Variants in WARS2 observed in about 807,000 individuals in gnomAD.
WARS2 encodes tryptophanyl tRNA synthetase 2, mitochondrial.
Under a neutral mutation model 36.5 loss-of-function variants are expected in WARS2, and 28 were observed. The observed-to-expected ratio is 0.77, with a 90% confidence interval of 0.57 to 1.05. The LOEUF (loss-of-function observed/expected upper bound fraction) is 1.05. Ranked by LOEUF, WARS2 falls within the 50% of genes least tolerant of loss-of-function variation. WARS2 has a pLI of 0.00. For synonymous variants in WARS2, 174 were observed against 178.4 expected, an observed-to-expected ratio of 0.98 and a Z score of 0.20; for missense variants, 435 against 456.8, an observed-to-expected ratio of 0.95 and a Z score of 0.44.
intron 2 of WARS2, among the ~76,000 whole-genome samples, chr1:119,048,754 C>CGTCCT (rs1428864386): frequency 1.3e-5 from 2 of 152,148 alleles, no homozygotes; most frequent in Non-Finnish European, 2.9e-5. Flanking sequence ...GCCACACCCT[C>CGTCCT]GTCCTGTGCC....
At chr1:119,140,668 G>A (rs760338709), upstream of WARS2, 10 of 1,604,998 alleles carry the variant, frequency 6.2e-6, no homozygotes, top group Non-Finnish European at 5.1e-6. Context: ...GAGCCGTCTT[G>A]TTTGGAATGA....
chr1:119,080,662 C>A (rs1005152015), intron 1 of WARS2, among the ~76,000 whole-genome samples: 2 of 152,350 alleles, frequency 1.3e-5, no homozygotes. Flanking sequence ...TCTGTTCCCT[C>A]TGCAGGAGTC....
chr1:119,100,379 T>C (rs1275034693), intron 1 of WARS2, among the ~76,000 whole-genome samples: 1 of 152,158 alleles, frequency 6.6e-6, no homozygotes, highest in East Asian at 1.9e-4. Flanking sequence ...GAAAACTGTA[T>C]GGAGATGTCT....
intron 1 of WARS2, among the ~76,000 whole-genome samples, chr1:119,133,427 T>C (rs761928813): frequency 2.0e-5 from 3 of 152,240 alleles, no homozygotes; most frequent in Non-Finnish European, 4.4e-5. Context: ...ATCATCATTG[T>C]AGTTAGTGCA....
At chr1:119,086,590 A>G in intron 1 of WARS2, among the ~76,000 whole-genome samples, 1 of 152,154 alleles carries the variant, frequency 6.6e-6, no homozygotes, top group East Asian at 1.9e-4. Context: ...AGTCAAGCAC[A>G]AAGGGGGCTT....
At chr1:119,085,106 A>G in intron 1 of WARS2, 2 of 779,138 alleles carry the variant, frequency 2.6e-6, no homozygotes, top group South Asian at 2.7e-5. Context: ...TTCTATGACT[A>G]CGCCCTTCAG....
At chr1:119,075,348 G>A (rs1006888563) in intron 2 of WARS2, among the ~76,000 whole-genome samples, 3 of 152,020 alleles carry the variant, frequency 2.0e-5, no homozygotes, top group Non-Finnish European at 2.9e-5. Context: ...TAGGTTATAT[G>A]CAAATATGAT....
intron 1 of WARS2, among the ~76,000 whole-genome samples, chr1:119,091,228 A>T (rs1464174396): frequency 1.3e-5 from 2 of 152,176 alleles, no homozygotes; most frequent in Admixed American, 6.5e-5. Flanking sequence ...TTGGACATTG[A>T]GGTTAATGGT....
chr1:119,134,439 C>G (rs1420766132), intron 1 of WARS2, among the ~76,000 whole-genome samples: 1 of 142,892 alleles, frequency 7.0e-6, no homozygotes, highest in Non-Finnish European at 1.5e-5. Context: ...AGAAAAAAAA[C>G]AGAAGACTGT....
chr1:119,036,361 T>G (rs1260783767), intron 4 of WARS2, among the ~76,000 whole-genome samples: 4 of 152,172 alleles, frequency 2.6e-5, no homozygotes, highest in Admixed American at 2.6e-4. Flanking sequence ...CCTTTTTATG[T>G]TTTCCTCAGC....
At chr1:119,065,573 T>A (rs1650767143) in intron 2 of WARS2, among the ~76,000 whole-genome samples, 2 of 148,096 alleles carry the variant, frequency 1.4e-5, no homozygotes, top group Non-Finnish European at 1.5e-5. Context: ...AGGCAGAGGT[T>A]GCAGTGAGCC....
At chr1:119,101,169 T>C (rs1162218483) in intron 1 of WARS2, among the ~76,000 whole-genome samples, 1 of 152,108 alleles carries the variant, frequency 6.6e-6, no homozygotes, top group Non-Finnish European at 1.5e-5. Context: ...GTGACTATAG[T>C]TAACAAAAAT....
chr1:119,043,296 T>C (rs1434369724), intron 3 of WARS2, among the ~76,000 whole-genome samples: 1 of 152,234 alleles, frequency 6.6e-6, no homozygotes, highest in Non-Finnish European at 1.5e-5. Flanking sequence ...ATCTGAATCA[T>C]TTCCCTCAAG....
chr1:119,076,547 T>C lies in WARS2; in HGVS notation c.151A>G (p.Asn51Asp). ...IQPTGILHLG[N>D]YLGAIESWVR... ...CAGCTCTCAATGGCTCCCAGGTAAT[T>C]GCCCAGGTGGAGGATTCCTGTAGGT... The change falls in exon 2 of 6, where the codon AAT becomes GAT. Residue 51 changes from asparagine to aspartate, a missense_variant. Physicochemically the swap from Asn to Asp is conservative, Grantham distance 23. Coordinates refer to ENST00000235521, the MANE Select transcript of WARS2 (RefSeq NM_015836.4). The C allele has an allele frequency of 6.2e-7, 1 of 1,614,182 alleles. No homozygotes were observed. The highest frequency in any genetic ancestry group is 8.5e-7 in the Non-Finnish European group (1 of 1,180,020).
chr1:119,106,122 G>T (rs1654221334), intron 1 of WARS2, among the ~76,000 whole-genome samples: 1 of 152,202 alleles, frequency 6.6e-6, no homozygotes, highest in Non-Finnish European at 1.5e-5. Context: ...AAGGTCAGAA[G>T]TAGAGAAAGT....
intron 2 of WARS2, 104 bp from the exon 3 acceptor site, chr1:119,045,766 A>C: frequency 1.1e-6 from 1 of 893,068 alleles, no homozygotes; most frequent in Non-Finnish European, 1.8e-6. Flanking sequence ...AATACCCCAA[A>C]TTAAGGTTAT....
At chr1:119,089,906 ATAAG>A (rs1652921847) in intron 1 of WARS2, among the ~76,000 whole-genome samples, 1 of 152,172 alleles carries the variant, frequency 6.6e-6, no homozygotes, top group African/African-American at 2.4e-5. Context: ...GTTCTCACTT[ATAAG>A]TGGGAGCTGA....
chr1:119,104,156 T>C (rs1394625951), intron 1 of WARS2, among the ~76,000 whole-genome samples: 1 of 151,200 alleles, frequency 6.6e-6, no homozygotes, highest in African/African-American at 2.4e-5. Flanking sequence ...TATTTCCATA[T>C]ATTACTCTGC....
At chr1:119,107,661 TAGAAAA>T (rs780129961) in intron 1 of WARS2, among the ~76,000 whole-genome samples, 2,893 of 139,568 alleles carry the variant, frequency 0.021, 101 homozygotes, top group African/African-American at 0.076. Flanking sequence ...GTTGGAGAAA[TAGAAAA>T]AGAAAGAGAG....
Sources: allele counts gnomAD v4.1 joint callset (sites outside exome capture counted in the v4.1 genomes callset), GRCh38; gene constraint gnomAD v4.1.1; transcripts MANE v1.5; gene names NCBI Gene and HGNC (gene_info 2026-07-23, HGNC 2026-07-21).